The following STAG1 variants were observed in gnomAD, a reference collection of about 807,000 sequenced individuals.
STAG1 encodes the protein cohesin subunit SA-1.
STAG1 carries 26 observed loss-of-function variants against 170.9 expected under a neutral mutation model. The ratio of observed to expected loss-of-function variants is 0.15; its 90% CI spans 0.11 to 0.21. STAG1 has a LOEUF of 0.21. Ranked by LOEUF, STAG1 falls within the 10% of genes least tolerant of loss-of-function variation. The pLI is 1.00. For missense variants in STAG1, 964 were observed against 1,509.5 expected (o/e 0.64, Z 5.99); for synonymous variants, 514 against 497.7 (o/e 1.03, Z -0.44).
intron 1 of STAG1, among the ~76,000 whole-genome samples, chr3:136,646,854 G>A (rs1052577581): frequency 5.9e-5 from 9 of 152,066 alleles, no homozygotes; most frequent in African/African-American, 2.2e-4. Flanking sequence ...GGAGGTTGCA[G>A]TGAGCCGAGA....
At chr3:136,547,163 C>CT (rs2107733269) in intron 5 of STAG1, among the ~76,000 whole-genome samples, 1 of 152,252 alleles carries the variant, frequency 6.6e-6, no homozygotes, top group South Asian at 2.1e-4. Flanking sequence ...TAGTTTTAGA[C>CT]TAACAGAAAA....
chr3:136,370,248 C>T (rs754813252), intron 23 of STAG1, among the ~76,000 whole-genome samples: 58 of 152,114 alleles, frequency 3.8e-4, no homozygotes, highest in Non-Finnish European at 7.8e-4. Flanking sequence ...ATGCAAAATA[C>T]TGCCACTGAA....
At chr3:136,713,241 C>G (rs892452447) in intron 1 of STAG1, among the ~76,000 whole-genome samples, 1 of 152,110 alleles carries the variant, frequency 6.6e-6, no homozygotes, top group Non-Finnish European at 1.5e-5. Flanking sequence ...GGTCCCACAA[C>G]ATGGATGAAT....
At chr3:136,339,819 G>T (rs926626612) in intron 32 of STAG1, among the ~76,000 whole-genome samples, 1 of 152,026 alleles carries the variant, frequency 6.6e-6, no homozygotes, top group Non-Finnish European at 1.5e-5. Context: ...ATCACCTATG[G>T]TTAAGTCCAT....
At chr3:136,448,159 C>A (rs1318557952) in intron 14 of STAG1, among the ~76,000 whole-genome samples, 2 of 152,126 alleles carry the variant, frequency 1.3e-5, no homozygotes, top group Non-Finnish European at 2.9e-5. Flanking sequence ...ACATGCACTG[C>A]AAACTGATTC....
At chr3:136,412,472 G>A (rs1252347407) in intron 21 of STAG1, among the ~76,000 whole-genome samples, 2 of 152,138 alleles carry the variant, frequency 1.3e-5, no homozygotes, top group African/African-American at 2.4e-5. Flanking sequence ...GCTCACTTCA[G>A]TAATTAAAAA....
intron 16 of STAG1, among the ~76,000 whole-genome samples, chr3:136,432,518 G>C (rs1022729980): frequency 4.0e-5 from 4 of 100,192 alleles, no homozygotes; most frequent in Admixed American, 2.9e-4. Context: ...TTTTTTTGGG[G>C]GGGGGGGGGC....
intron 4 of STAG1, among the ~76,000 whole-genome samples, chr3:136,581,740 T>C (rs1472689575): frequency 1.3e-5 from 2 of 152,000 alleles, no homozygotes. Context: ...TAATGAAAAA[T>C]TATAACACAA....
chr3:136,632,858 G>A (rs780878743), intron 1 of STAG1, among the ~76,000 whole-genome samples: 6 of 151,988 alleles, frequency 3.9e-5, no homozygotes, highest in South Asian at 2.1e-4. Flanking sequence ...AAATACTTCC[G>A]CAAAGAACCT....
chr3:136,389,756 G>T (rs1401608591), intron 22 of STAG1, among the ~76,000 whole-genome samples: 1 of 151,936 alleles, frequency 6.6e-6, no homozygotes, highest in East Asian at 1.9e-4. Context: ...CTGACCTCAG[G>T]TGATCCACCC....
At chr3:136,660,570 G>T (rs771077854) in intron 1 of STAG1, among the ~76,000 whole-genome samples, 2 of 152,078 alleles carry the variant, frequency 1.3e-5, no homozygotes, top group East Asian at 3.8e-4. Context: ...AGGAAAATAC[G>T]TTGGGTAACA....
intron 4 of STAG1, among the ~76,000 whole-genome samples, chr3:136,602,208 G>A (rs1476494369): frequency 4.0e-5 from 6 of 151,692 alleles, no homozygotes; most frequent in African/African-American, 1.5e-4. Flanking sequence ...GTAAAGCCCC[G>A]TCTCTACTAA....
At chr3:136,595,745 C>A (rs1329102150) in intron 4 of STAG1, among the ~76,000 whole-genome samples, 2 of 150,722 alleles carry the variant, frequency 1.3e-5, no homozygotes, top group Non-Finnish European at 3.0e-5. Context: ...TTCTTTAGTT[C>A]CCTAATGGAT....
At chr3:136,488,372 C>T (rs2090057986) in intron 9 of STAG1, among the ~76,000 whole-genome samples, 1 of 152,244 alleles carries the variant, frequency 6.6e-6, no homozygotes, top group African/African-American at 2.4e-5. Flanking sequence ...ATGCACCCGC[C>T]TTGGCCTCCC....
At chr3:136,486,608 C>G (rs2090018084) in intron 9 of STAG1, among the ~76,000 whole-genome samples, 1 of 152,134 alleles carries the variant, frequency 6.6e-6, no homozygotes, top group Non-Finnish European at 1.5e-5. Context: ...AGTTTTATTA[C>G]ACAATTTCAT....
At chr3:136,476,943 T>C (rs1404053009) in intron 10 of STAG1, among the ~76,000 whole-genome samples, 1 of 152,086 alleles carries the variant, frequency 6.6e-6, no homozygotes, top group Non-Finnish European at 1.5e-5. Context: ...GAAAATTTTT[T>C]TTAAAAAAAA....
intron 2 of STAG1, among the ~76,000 whole-genome samples, chr3:136,625,616 T>A (rs867237292): frequency 6.6e-6 from 1 of 152,204 alleles, no homozygotes; most frequent in Non-Finnish European, 1.5e-5. Context: ...CTCGAATTGA[T>A]AGAATGATAT....
chr3:136,659,254 CCTGT>C (rs1187532402), intron 1 of STAG1, among the ~76,000 whole-genome samples: 1 of 152,114 alleles, frequency 6.6e-6, no homozygotes, highest in Admixed American at 6.5e-5. Flanking sequence ...AAAAATTTGT[CCTGT>C]CTCACTGTCA....
At chr3:136,442,169 G>A (rs1368580765) in intron 15 of STAG1, among the ~76,000 whole-genome samples, 1 of 152,202 alleles carries the variant, frequency 6.6e-6, no homozygotes, top group Non-Finnish European at 1.5e-5. Context: ...CTGCACTCCA[G>A]TGTGGGTGAC....
Sources: gnomAD v4.1 joint callset for allele counts (sites outside exome capture counted in the v4.1 genomes callset) on GRCh38, gnomAD v4.1.1 for gene constraint, MANE v1.5 for transcripts, NCBI Gene and HGNC (gene_info 2026-07-23, HGNC 2026-07-21) for gene names.